The following WWOX variants were observed in gnomAD, a reference collection of about 807,000 sequenced individuals.
WWOX encodes the protein WW domain containing oxidoreductase.
WWOX carries 69 observed loss-of-function variants against 46.2 expected under a neutral mutation model. That is an observed-to-expected ratio of 1.49 (90% CI 1.23 to 1.82). WWOX has a LOEUF of 1.82. Ranked by LOEUF, WWOX falls within the 40% of genes most tolerant of loss-of-function variation. The pLI, the probability that WWOX is intolerant of heterozygous loss-of-function variation, is 0.00. For missense variants in WWOX, 919 were observed against 542.6 expected (o/e 1.69, Z -6.89); for synonymous variants, 359 against 202.6 (o/e 1.77, Z -6.56).
intron 8 of WWOX, among the ~76,000 whole-genome samples, chr16:78,702,100 T>TTTTATATATATATA (rs1491267639): frequency 1.7e-4 from 14 of 81,228 alleles, no homozygotes; most frequent in African/African-American, 8.9e-4. Context: ...ATCTATAAAG[T>TTTTATATATATATA]TATATATATA....
chr16:79,037,153 C>G (rs2047883377), intron 8 of WWOX, among the ~76,000 whole-genome samples: 1 of 152,204 alleles, frequency 6.6e-6, no homozygotes, highest in Non-Finnish European at 1.5e-5. Flanking sequence ...GAGCACAAAG[C>G]TGCCTTGACT....
At chr16:78,101,528 C>A (rs1416129783) in intron 1 of WWOX, among the ~76,000 whole-genome samples, 1 of 151,834 alleles carries the variant, frequency 6.6e-6, no homozygotes, top group Non-Finnish European at 1.5e-5. Flanking sequence ...GCGCTGTTGG[C>A]CCGGCTGGTC....
At chr16:78,254,739 G>A (rs1043569965) in intron 5 of WWOX, among the ~76,000 whole-genome samples, 5 of 151,920 alleles carry the variant, frequency 3.3e-5, no homozygotes. Flanking sequence ...CTGTTGCCCA[G>A]GCTGGTCTCG....
chr16:78,742,455 C>A (rs2049252430), intron 8 of WWOX, among the ~76,000 whole-genome samples: 1 of 152,192 alleles, frequency 6.6e-6, no homozygotes, highest in African/African-American at 2.4e-5. Context: ...ATGCAGGTTA[C>A]TGTGAAAACA....
intron 8 of WWOX, among the ~76,000 whole-genome samples, chr16:78,806,713 C>G (rs1044370862): frequency 4.6e-5 from 7 of 152,110 alleles, no homozygotes; most frequent in African/African-American, 1.7e-4. Context: ...TTACATAGCC[C>G]TAGGTTTTCC....
At chr16:78,559,501 C>T (rs866799469) in intron 8 of WWOX, among the ~76,000 whole-genome samples, 4 of 152,100 alleles carry the variant, frequency 2.6e-5, no homozygotes, top group Admixed American at 6.5e-5. Context: ...GAACTTTTTC[C>T]CTTTCCTCCC....
chr16:78,430,254 T>G (rs993441395), intron 7 of WWOX, among the ~76,000 whole-genome samples: 2 of 152,166 alleles, frequency 1.3e-5, no homozygotes, highest in African/African-American at 2.4e-5. Context: ...AGCACCCCCA[T>G]GATTCACTTA....
chr16:78,691,241 G>A lies in WWOX; in HGVS notation c.1056+258489G>A, dbSNP rs556961940. On this transcript the variant is annotated intron_variant, in intron 8 of 8. Coordinates refer to ENST00000566780, the MANE Select transcript of WWOX (RefSeq NM_016373.4). ...TATGCTTCTCTTGTTTGTGATTCCA[G>A]GTTTCAGACTGCCTGGTAGAAGGAG... The A allele has an allele frequency of 5.1e-5, 36 of 702,046 alleles. No homozygotes were observed. The South Asian group carries it at 5.2e-4, about 10-fold the overall frequency. The allele number at this position is 702,046 out of a possible 1,614,324, so 43.5% of individuals were successfully genotyped here.
intron 8 of WWOX, among the ~76,000 whole-genome samples, chr16:78,435,113 G>GT (rs1437688672): frequency 6.6e-6 from 1 of 152,178 alleles, no homozygotes; most frequent in African/African-American, 2.4e-5. Flanking sequence ...AGTGTTAGCT[G>GT]TTTTGGGAGT....
chr16:78,393,977 T>A (rs2082232721), intron 6 of WWOX, among the ~76,000 whole-genome samples: 1 of 152,242 alleles, frequency 6.6e-6, no homozygotes, highest in Non-Finnish European at 1.5e-5. Flanking sequence ...AACTTGAATC[T>A]ACTAATCCCA....
At chr16:78,191,617 T>C (rs1353655956) in intron 5 of WWOX, among the ~76,000 whole-genome samples, 1 of 152,180 alleles carries the variant, frequency 6.6e-6, no homozygotes, top group Non-Finnish European at 1.5e-5. Flanking sequence ...CTATACATGA[T>C]TGCTGTTTTA....
At chr16:79,122,173 G>A (rs1289981882) in intron 8 of WWOX, among the ~76,000 whole-genome samples, 1 of 152,108 alleles carries the variant, frequency 6.6e-6, no homozygotes, top group African/African-American at 2.4e-5. Flanking sequence ...TCCGCCACTT[G>A]CTTCTAAACC....
chr16:78,854,506 C>G (rs550448366), intron 8 of WWOX, among the ~76,000 whole-genome samples: 3 of 152,204 alleles, frequency 2.0e-5, no homozygotes, highest in African/African-American at 7.2e-5. Context: ...ATGCATCCCT[C>G]AAATTGTAAC....
At chr16:78,305,447 A>G (rs946673315) in intron 5 of WWOX, among the ~76,000 whole-genome samples, 1 of 152,144 alleles carries the variant, frequency 6.6e-6, no homozygotes, top group African/African-American at 2.4e-5. Context: ...AGAAGCATAG[A>G]CAATGTGGAG....
In WWOX at chr16:78,922,992, T is replaced by C. The variant is rs76268493; in HGVS notation, c.1057-288616T>C. On this transcript the variant is annotated intron_variant, in intron 8 of 8. Coordinates refer to ENST00000566780, the MANE Select transcript of WWOX (RefSeq NM_016373.4). Reference sequence around the variant, plus strand: ...ATAATTCTTTCTCTTTTCTTTTTTTTTTTTTTGAGACAGAGTTTTGCTCTT... The same window carrying C: ...ATAATTCTTTCTCTTTTCTTTTTTTCTTTTTTGAGACAGAGTTTTGCTCTT... Among the ~76,000 whole-genome samples, 7 of 6,286 alleles carry C rather than the reference T, an allele frequency of 1.1e-3. No homozygotes were observed. In the East Asian group the frequency reaches 0.021, roughly 19 times the overall value. The allele number at this position is 6,286 out of a possible 152,430, so 4.1% of individuals were successfully genotyped here. A position where few individuals can be genotyped will look rare whatever the true frequency, so the allele number is the denominator to read the frequency against.
intron 8 of WWOX, among the ~76,000 whole-genome samples, chr16:78,716,739 A>G (rs2048570918): frequency 6.6e-6 from 1 of 152,048 alleles, no homozygotes; most frequent in Admixed American, 6.5e-5. Flanking sequence ...ACAGAAAAAA[A>G]AGCGTCTCTA....
intron 8 of WWOX, among the ~76,000 whole-genome samples, chr16:78,977,072 A>C (rs984407696): frequency 3.9e-5 from 6 of 152,218 alleles, no homozygotes; most frequent in Admixed American, 6.5e-5. Context: ...ACGTCAACAC[A>C]GGAACCTTTT....
At chr16:78,408,652 T>G (rs1597184580) in intron 6 of WWOX, among the ~76,000 whole-genome samples, 1 of 152,366 alleles carries the variant, frequency 6.6e-6, no homozygotes, top group East Asian at 1.9e-4. Context: ...CATTCCGTTG[T>G]GCCTGTCGTC....
At chr16:78,665,975 G>A (rs781639483) in intron 8 of WWOX, among the ~76,000 whole-genome samples, 4 of 151,864 alleles carry the variant, frequency 2.6e-5, no homozygotes, top group Non-Finnish European at 5.9e-5. Context: ...GTGAGCCGCT[G>A]CGCCTGGCCA....
Sources: allele counts gnomAD v4.1 joint callset (sites outside exome capture counted in the v4.1 genomes callset), GRCh38; gene constraint gnomAD v4.1.1; transcripts MANE v1.5; gene names NCBI Gene and HGNC (gene_info 2026-07-23, HGNC 2026-07-21).